MSRA: variants seen among roughly 807,000 people sequenced by gnomAD.
MSRA encodes mitochondrial peptide methionine sulfoxide reductase.
Under a neutral mutation model 31.3 loss-of-function variants are expected in MSRA, and 54 were observed. That is an observed-to-expected ratio of 1.73 (90% CI 1.39 to 2.17). The LOEUF is 2.17. MSRA is among the 30% of genes most tolerant of loss of function. The probability of loss-of-function intolerance (pLI) is 0.00; values close to 1 mark genes in which losing one functional copy is unlikely to be tolerated. For synonymous variants in MSRA, 169 were observed against 116.5 expected, an observed-to-expected ratio of 1.45 and a Z score of -2.90; for missense variants, 507 against 300.9, an observed-to-expected ratio of 1.69 and a Z score of -5.07.
chr8:10,367,121 T>A (rs1430889792), intron 5 of MSRA, among the ~76,000 whole-genome samples: 4 of 152,186 alleles, frequency 2.6e-5, no homozygotes, highest in Non-Finnish European at 5.9e-5. Context: ...ACTGTCCCAC[T>A]CCATCTGTCC....
chr8:10,113,476 T>G (rs1585176156), intron 1 of MSRA, among the ~76,000 whole-genome samples: 1 of 151,338 alleles, frequency 6.6e-6, no homozygotes, highest in African/African-American at 2.4e-5. Flanking sequence ...AGGAGGGGAT[T>G]GTGCAGAACT....
At chr8:10,093,798 G>A (rs1585130817) in intron 1 of MSRA, among the ~76,000 whole-genome samples, 1 of 152,120 alleles carries the variant, frequency 6.6e-6, no homozygotes, top group Non-Finnish European at 1.5e-5. Context: ...TTCTTGTAGA[G>A]CAGGTCTGCT....
chr8:10,130,957 GT>G (rs1801852376), intron 1 of MSRA, among the ~76,000 whole-genome samples: 1 of 152,172 alleles, frequency 6.6e-6, no homozygotes, highest in South Asian at 2.1e-4. Flanking sequence ...AATCCTCAGT[GT>G]GCTTTTATTA....
chr8:10,232,152 G>T (rs998663132), intron 2 of MSRA, among the ~76,000 whole-genome samples: 5 of 152,166 alleles, frequency 3.3e-5, no homozygotes, highest in African/African-American at 1.2e-4. Flanking sequence ...TGTGTTCTGA[G>T]TGAAGTCTAA....
At chr8:10,222,491 A>T (rs571008561) in intron 2 of MSRA, among the ~76,000 whole-genome samples, 1 of 152,206 alleles carries the variant, frequency 6.6e-6, no homozygotes, top group Admixed American at 6.5e-5. Flanking sequence ...TCATTCAACA[A>T]TTCTACTTCT....
chr8:10,280,569 A>G lies in MSRA; in HGVS notation c.332-20965A>G, dbSNP rs536731269. ...TTTGTAACCCTCATACACTGCTGGT[A>G]TGAAGGGAAAATCGTGTAGTCACTT... On this transcript the variant is annotated intron_variant, in intron 3 of 5. Coordinates refer to ENST00000317173, the MANE Select transcript of MSRA (RefSeq NM_012331.5). Among the ~76,000 whole-genome samples the G allele has an allele frequency of 7.2e-5, 11 of 152,362 alleles. No homozygotes were observed. In the East Asian group the frequency reaches 1.9e-3, roughly 27 times the overall value.
chr8:10,085,859 T>C (rs1563416808), intron 1 of MSRA, among the ~76,000 whole-genome samples: 1 of 152,256 alleles, frequency 6.6e-6, no homozygotes. Context: ...GTCTTCTCTG[T>C]ATGGGCTTTT....
intron 5 of MSRA, among the ~76,000 whole-genome samples, chr8:10,370,857 C>T (rs1183839278): frequency 6.6e-6 from 1 of 152,220 alleles, no homozygotes; most frequent in Non-Finnish European, 1.5e-5. Flanking sequence ...TGGGGATATT[C>T]ATCTGAGCAG....
intron 1 of MSRA, among the ~76,000 whole-genome samples, chr8:10,121,012 C>T (rs951924451): frequency 3.3e-5 from 5 of 152,108 alleles, no homozygotes; most frequent in African/African-American, 1.2e-4. Flanking sequence ...CTTTCGTTTG[C>T]GTTAAAATTA....
intron 4 of MSRA, among the ~76,000 whole-genome samples, chr8:10,309,908 C>T (rs1204211944): frequency 6.6e-6 from 1 of 152,222 alleles, no homozygotes; most frequent in Admixed American, 6.5e-5. Flanking sequence ...TCCCGAGCCT[C>T]TTTCCAGGTG....
chr8:10,146,827 G>A (rs1803185522), intron 1 of MSRA, among the ~76,000 whole-genome samples: 1 of 152,214 alleles, frequency 6.6e-6, no homozygotes, highest in African/African-American at 2.4e-5. Flanking sequence ...TCAGCTGGAA[G>A]GAGAGGTGGG....
intron 4 of MSRA, among the ~76,000 whole-genome samples, chr8:10,313,253 A>G (rs1264415342): frequency 6.6e-6 from 1 of 152,196 alleles, no homozygotes; most frequent in Non-Finnish European, 1.5e-5. Context: ...GCTAATGCCA[A>G]GGGAAACCTT....
chr8:10,393,365 C>T (rs983959469), intron 5 of MSRA, among the ~76,000 whole-genome samples: 2 of 152,248 alleles, frequency 1.3e-5, no homozygotes, highest in Middle Eastern at 3.4e-3. Context: ...AAAGTTATTA[C>T]GGCAAATCCT....
intron 3 of MSRA, among the ~76,000 whole-genome samples, chr8:10,278,257 C>A (rs1163117897): frequency 1.3e-5 from 2 of 152,106 alleles, no homozygotes; most frequent in African/African-American, 4.8e-5. Context: ...TCTGTCTGGG[C>A]CATCTGCTGC....
chr8:10,413,803 A>C (rs1218890256), intron 5 of MSRA, among the ~76,000 whole-genome samples: 2 of 152,228 alleles, frequency 1.3e-5, no homozygotes, highest in Non-Finnish European at 2.9e-5. Context: ...AACAGAATTT[A>C]AAATGGGGGA....
chr8:10,368,378 A>G (rs1455641818), intron 5 of MSRA, among the ~76,000 whole-genome samples: 1 of 152,278 alleles, frequency 6.6e-6, no homozygotes, highest in Non-Finnish European at 1.5e-5. Context: ...GGAGTGCAGC[A>G]CTATCATTTG....
At chr8:10,113,287 G>GTTTTTTTTTTTTTTTTTTT (rs1412167930) in intron 1 of MSRA, among the ~76,000 whole-genome samples, 4 of 6,304 alleles carry the variant, frequency 6.3e-4, no homozygotes, top group East Asian at 4.3e-3. Context: ...GTGAAGACAG[G>GTTTTTTTTTTTTTTTTTTT]TCTTCTTTTT....
chr8:10,173,201 C>G (rs554768372), intron 1 of MSRA, among the ~76,000 whole-genome samples: 4 of 152,332 alleles, frequency 2.6e-5, no homozygotes, highest in African/African-American at 9.6e-5. Flanking sequence ...TGATCTTTAG[C>G]TTTACAGTGA....
In MSRA at chr8:10,158,720, C is replaced by T. The variant is rs369941604; in HGVS notation, c.143-49113C>T. Among the ~76,000 whole-genome samples, 5 of 152,214 alleles carry T rather than the reference C, an allele frequency of 3.3e-5. No homozygotes were observed. In the East Asian group the frequency reaches 7.7e-4, roughly 23 times the overall value. The stretch of plus-strand genomic sequence containing the variant: ...GTGTACAGTTTTTTTTGTGTAGACA[C>T]GTTTTCCTTTGTCTTAGATATGTAT... On this transcript the variant is annotated intron_variant, in intron 1 of 5. Transcript: ENST00000317173.
Sources: allele counts gnomAD v4.1 joint callset (sites outside exome capture counted in the v4.1 genomes callset), GRCh38; gene constraint gnomAD v4.1.1; transcripts MANE v1.5; gene names NCBI Gene and HGNC (gene_info 2026-07-23, HGNC 2026-07-21).